The following ERCC8 variants were observed in gnomAD, a reference collection of about 807,000 sequenced individuals.
ERCC8 encodes the protein ERCC excision repair 8, CSA ubiquitin ligase complex subunit.
Under a neutral mutation model 54.9 loss-of-function variants are expected in ERCC8, and 52 were observed. The ratio of observed to expected loss-of-function variants is 0.95; its 90% CI spans 0.76 to 1.19. The LOEUF is 1.19. Ranked by LOEUF, ERCC8 falls within the 50% of genes most tolerant of loss-of-function variation. The probability of loss-of-function intolerance (pLI) is 0.00; values close to 1 mark genes in which losing one functional copy is unlikely to be tolerated. For synonymous variants in ERCC8, 146 were observed against 157.2 expected (o/e 0.93, Z 0.53); for missense variants, 514 against 466.1 (o/e 1.10, Z -0.95).
chr5:60,920,364 G>A (rs1183747715), intron 3 of ERCC8, among the ~76,000 whole-genome samples: 3 of 151,882 alleles, frequency 2.0e-5, no homozygotes, highest in South Asian at 2.1e-4. Context: ...AATTTTTAAT[G>A]TAGTGATAAC....
intron 4 of ERCC8, chr5:60,909,908 T>G (rs1238950308): frequency 1.3e-5 from 2 of 151,310 alleles, no homozygotes; most frequent in Non-Finnish European, 2.9e-5. Flanking sequence ...GAGCTGAGAT[T>G]GCGCCACTGG....
chr5:60,888,116 C>T (rs112995266), intron 10 of ERCC8, among the ~76,000 whole-genome samples: 86 of 152,166 alleles, frequency 5.7e-4, no homozygotes, highest in African/African-American at 2.0e-3. Context: ...CCCAACAAAA[C>T]CGAAGAAATA....
intron 1 of ERCC8, among the ~76,000 whole-genome samples, chr5:60,929,304 A>C (rs937541017): frequency 1.3e-5 from 2 of 152,196 alleles, no homozygotes; most frequent in Admixed American, 1.3e-4. Flanking sequence ...AGAAATAAAA[A>C]ATGAGTATGG....
At chr5:60,893,138 T>C (rs139440197) in intron 9 of ERCC8, 21 of 831,958 alleles carry the variant, frequency 2.5e-5, no homozygotes, top group Non-Finnish European at 4.2e-5. Flanking sequence ...CCTCCCCCAT[T>C]TGGAAGCAGC....
At chr5:60,881,266 C>T (rs1029029180) in intron 11 of ERCC8, among the ~76,000 whole-genome samples, 8 of 152,172 alleles carry the variant, frequency 5.3e-5, no homozygotes, top group African/African-American at 1.9e-4. Flanking sequence ...TGTCAGTCTG[C>T]CCCTACTGGG....
In ERCC8 at chr5:60,874,496, G is replaced by A. The variant is rs1747937684; in HGVS notation, c.*119C>T. 6.0e-6 allele frequency: 5 copies of A among 830,198 alleles called. No individual in the cohort carries two copies. The highest frequency in any genetic ancestry group is 9.7e-6 in the Non-Finnish European group (5 of 513,130). 51.4% of individuals were successfully genotyped at this position (830,198 alleles called of 1,614,324 possible). A position where few individuals can be genotyped will look rare whatever the true frequency, so the allele number is the denominator to read the frequency against. ...TATTAACCTCATTTTAAAACATGAG[G>A]AAAAATATTACCCACATTTAGGGCT... On this transcript the variant is annotated 3_prime_UTR_variant, in exon 12 of 12. Coordinates refer to ENST00000676185, the MANE Select transcript of ERCC8 (RefSeq NM_000082.4).
chr5:60,904,634 G>GTGTGTATATA (rs1406862264), intron 5 of ERCC8, among the ~76,000 whole-genome samples, 158 bp downstream of exon 5: 1 of 49,928 alleles, frequency 2.0e-5, no homozygotes, highest in African/African-American at 8.4e-5. Flanking sequence ...GTGTGTGTGT[G>GTGTGTATATA]TATATATATA....
intron 1 of ERCC8, among the ~76,000 whole-genome samples, chr5:60,944,096 A>G (rs1750350030): frequency 6.6e-6 from 1 of 152,154 alleles, no homozygotes; most frequent in South Asian, 2.1e-4. Context: ...AGAGTATATT[A>G]CCAACATTCA....
intron 4 of ERCC8, among the ~76,000 whole-genome samples, chr5:60,915,886 G>T (rs1749418434): frequency 1.3e-5 from 2 of 151,976 alleles, no homozygotes; most frequent in South Asian, 4.1e-4. Flanking sequence ...TTAGTACATA[G>T]ACATCTGGGA....
At chr5:60,891,773 G>A (rs937644167) in intron 9 of ERCC8, among the ~76,000 whole-genome samples, 1 of 151,900 alleles carries the variant, frequency 6.6e-6, no homozygotes, top group African/African-American at 2.4e-5. Flanking sequence ...TCTTTTTCCT[G>A]GAGAGAGTGG....
rs1747875888 is a variant in ERCC8 at position 60,872,126 on chromosome 5, C to T, written c.*2489G>A. On this transcript the variant is annotated 3_prime_UTR_variant, in exon 12 of 12. Coordinates refer to ENST00000676185, the MANE Select transcript of ERCC8 (RefSeq NM_000082.4). ...TTTTCAAACTAGCTTTTTCAAAGGTCAAATGCATCCTCACCAAGGGGACAA... is the reference window on the plus strand; with the variant it reads ...TTTTCAAACTAGCTTTTTCAAAGGTTAAATGCATCCTCACCAAGGGGACAA... Among the ~76,000 whole-genome samples the T allele has an allele frequency of 6.6e-6, 1 of 152,124 alleles. No homozygotes were observed. The highest frequency in any genetic ancestry group is 2.4e-5 in the African/African-American group (1 of 41,414).
At chr5:60,892,897 C>A in intron 9 of ERCC8, 1 of 724,440 alleles carries the variant, frequency 1.4e-6, no homozygotes, top group South Asian at 1.5e-5. Context: ...GGAAGGCCTA[C>A]AATGTCCATA....
At chr5:60,944,383 C>A (rs1469403918) in intron 1 of ERCC8, among the ~76,000 whole-genome samples, 3 of 152,154 alleles carry the variant, frequency 2.0e-5, no homozygotes, top group Admixed American at 6.5e-5. Flanking sequence ...ATAGCTGTTA[C>A]CTTATTCTCA....
intron 1 of ERCC8, among the ~76,000 whole-genome samples, chr5:60,933,343 T>G (rs1323506597): frequency 6.7e-6 from 1 of 149,142 alleles, no homozygotes; most frequent in African/African-American, 2.5e-5. Context: ...CTCAGCCACC[T>G]GAGTAGCTGG....
At position 60,945,069 on chromosome 5, in the gene ERCC8, C is replaced by G. The variant is rs750573888; in HGVS notation, c.-61G>C. The G allele has an allele frequency of 6.6e-7, 1 of 1,509,780 alleles. No individual in the cohort carries two copies. The highest frequency in any genetic ancestry group is 9.2e-7 in the Non-Finnish European group (1 of 1,084,958). The allele number at this position is 1,509,780 out of a possible 1,614,324, so 93.5% of individuals were successfully genotyped here. A position where few individuals can be genotyped will look rare whatever the true frequency, so the allele number is the denominator to read the frequency against. On this transcript the variant is annotated 5_prime_UTR_variant, in exon 1 of 12. Transcript: ENST00000676185. ...GCCATGACAGAGCTCAGGGGCGGGA[C>G]TGGAACAGCAGAGTCTCCCATTGGT...
At chr5:60,880,746 T>G (rs1748187796) in intron 11 of ERCC8, among the ~76,000 whole-genome samples, 1 of 152,332 alleles carries the variant, frequency 6.6e-6, no homozygotes, top group South Asian at 2.1e-4. Context: ...CTGCATTGGT[T>G]ATTCTAGTTA....
chr5:60,874,864 T>C (rs1747952465), intron 11 of ERCC8, among the ~76,000 whole-genome samples, 181 bp from the exon 12 acceptor site: 1 of 152,180 alleles, frequency 6.6e-6, no homozygotes, highest in Non-Finnish European at 1.5e-5. Context: ...TATAAGATAA[T>C]GTAACTTCAT....
chr5:60,940,372 G>A (rs1750221824), intron 1 of ERCC8, among the ~76,000 whole-genome samples: 1 of 152,206 alleles, frequency 6.6e-6, no homozygotes, highest in South Asian at 2.1e-4. Flanking sequence ...ATCCCAAGAG[G>A]GTAGGGACAA....
intron 1 of ERCC8, 120 bp downstream of exon 1, chr5:60,944,812 G>C: frequency 3.1e-6 from 2 of 650,856 alleles, no homozygotes; most frequent in Non-Finnish European, 2.7e-6. Flanking sequence ...CACAGCATTA[G>C]AGGGCAAATA....
Sources: gnomAD v4.1 joint callset for allele counts (sites outside exome capture counted in the v4.1 genomes callset) on GRCh38, gnomAD v4.1.1 for gene constraint, MANE v1.5 for transcripts, NCBI Gene and HGNC (gene_info 2026-07-23, HGNC 2026-07-21) for gene names.